MRRF: variants seen among roughly 807,000 people sequenced by gnomAD.
The protein encoded by MRRF is mitochondrial ribosome recycling factor, also known as ribosome-recycling factor, mitochondrial.
A neutral mutation model predicts 25.1 loss-of-function variants in MRRF; 18 were observed. The ratio of observed to expected loss-of-function variants is 0.72; its 90% CI spans 0.50 to 1.06. The LOEUF (loss-of-function observed/expected upper bound fraction) is 1.06, where lower values mean the gene tolerates loss of function less well. Ranked by LOEUF, MRRF falls within the 50% of genes least tolerant of loss-of-function variation. The probability of loss-of-function intolerance (pLI) is 0.00; values close to 1 mark genes in which losing one functional copy is unlikely to be tolerated. For missense variants in MRRF, 323 were observed against 319.3 expected (o/e 1.01, Z -0.09); for synonymous variants, 113 against 112.1 (o/e 1.01, Z -0.05).
rs1832762396 is a variant in MRRF, at chr9:122,276,220, G to GTT, written c.185-4220_185-4219dup. On this transcript the variant is annotated intron_variant, in intron 2 of 6. Coordinates refer to ENST00000344641, the MANE Select transcript of MRRF (RefSeq NM_138777.5). Reference sequence around the variant, plus strand: ...TGAGTCACCACGCCCAGCCTGTTTTGTTTTGTTTTGTTTTTAAAGTATTAA... The same window carrying GTT: ...TGAGTCACCACGCCCAGCCTGTTTTGTTTTTTGTTTTGTTTTTAAAGTATTAA... 2.0e-5 allele frequency among the ~76,000 whole-genome samples: 3 copies of GTT among 152,108 alleles called. 1 individual carries two copies. In the South Asian group the frequency reaches 6.2e-4, roughly 31 times the overall value.
intron 6 of MRRF, 28 bp from the exon 7 acceptor site, chr9:122,322,512 C>G: frequency 6.2e-7 from 1 of 1,603,116 alleles, no homozygotes; most frequent in Non-Finnish European, 8.5e-7. Context: ...CCCCATTAAT[C>G]AGGCTGTCTC....
chr9:122,297,140 C>G lies in MRRF; in HGVS notation c.551+5300C>G, dbSNP rs537387257. Reference sequence around the variant, plus strand: ...CCAGCCTGACCAACATGATGAAACCCCATCTCTACTAAAAATACAAAAATT... The same window carrying G: ...CCAGCCTGACCAACATGATGAAACCGCATCTCTACTAAAAATACAAAAATT... On this transcript the variant is annotated intron_variant, in intron 5 of 6. Transcript: ENST00000344641. Among the ~76,000 whole-genome samples the G allele has an allele frequency of 1.4e-3, 211 of 152,228 alleles. 2 individuals are homozygous for G. The highest frequency in any genetic ancestry group is 5.0e-3 in the African/African-American group (207 of 41,532).
At chr9:122,309,705 C>A (rs1835089429) in intron 5 of MRRF, among the ~76,000 whole-genome samples, 1 of 152,156 alleles carries the variant, frequency 6.6e-6, no homozygotes, top group Admixed American at 6.5e-5. Context: ...AAATGGTAAA[C>A]TCCTGTGTAT....
chr9:122,267,212 C>G (rs1832168643), intron 1 of MRRF, among the ~76,000 whole-genome samples: 1 of 151,978 alleles, frequency 6.6e-6, no homozygotes, highest in African/African-American at 2.4e-5. Context: ...AACCCCATCT[C>G]TACTTAAAAT....
At chr9:122,279,756 T>A (rs929242013) in intron 2 of MRRF, among the ~76,000 whole-genome samples, 6 of 152,366 alleles carry the variant, frequency 3.9e-5, no homozygotes, top group Middle Eastern at 3.4e-3. Context: ...TAGTGTTTAA[T>A]GTCTGTAAAC....
At position 122,313,328 on chromosome 9, in the gene MRRF, A is replaced by C. The variant is rs1436098800; in HGVS notation, c.653A>C (p.Lys218Thr). ...AAGGTTCGCACCAACTCAATGAACA[A>C]GCTGAAGAAATCCAAGGATACAGTC... ...LRKVRTNSMN[K>T]LKKSKDTVSE... The change falls in exon 6 of 7, where the codon AAG becomes ACG. Residue 218 changes from lysine to threonine, a missense_variant. Coordinates refer to ENST00000344641, the MANE Select transcript of MRRF (RefSeq NM_138777.5). The C allele has an allele frequency of 6.2e-7, 1 of 1,614,048 alleles. No individual in the cohort carries two copies. Among genetic ancestry groups the C allele is most frequent in the Admixed American group, 1.7e-5 (1 of 60,008 alleles).
chr9:122,276,469 A>G (rs913990153), intron 2 of MRRF, among the ~76,000 whole-genome samples: 5 of 152,142 alleles, frequency 3.3e-5, no homozygotes, highest in Admixed American at 6.5e-5. Flanking sequence ...AGTTTTTGAC[A>G]TTGAATATTT....
intron 5 of MRRF, among the ~76,000 whole-genome samples, chr9:122,298,183 T>G (rs1304330687): frequency 5.3e-5 from 8 of 152,154 alleles, no homozygotes; most frequent in African/African-American, 1.9e-4. Flanking sequence ...ACTTTCTGTT[T>G]TTGTTTTGTG....
intron 5 of MRRF, among the ~76,000 whole-genome samples, chr9:122,298,512 C>G (rs969753157): frequency 4.6e-5 from 7 of 152,182 alleles, no homozygotes; most frequent in African/African-American, 1.7e-4. Context: ...TCAGTCACCC[C>G]AAAAAGTTAT....
At chr9:122,280,823 G>A (rs77964201) in intron 3 of MRRF, among the ~76,000 whole-genome samples, 3,941 of 152,198 alleles carry the variant, frequency 0.026, 152 homozygotes, top group African/African-American at 0.085. Flanking sequence ...AGTGCCTGGC[G>A]CATAGTTAAC....
intron 4 of MRRF, 30 bp downstream of exon 4, chr9:122,285,317 G>A (rs1178714040): frequency 7.4e-6 from 10 of 1,349,772 alleles, no homozygotes; most frequent in East Asian, 4.6e-5. Flanking sequence ...ATCTCTCTCC[G>A]TGGTCTCTTT....
At chr9:122,310,586 A>G (rs1282036168) in intron 5 of MRRF, among the ~76,000 whole-genome samples, 3 of 152,242 alleles carry the variant, frequency 2.0e-5, no homozygotes, top group Non-Finnish European at 2.9e-5. Flanking sequence ...GATACTAGCA[A>G]CAGTCATCCT....
At chr9:122,302,515 C>T (rs1834537754) in intron 5 of MRRF, among the ~76,000 whole-genome samples, 2 of 152,326 alleles carry the variant, frequency 1.3e-5, no homozygotes, top group Non-Finnish European at 2.9e-5. Flanking sequence ...GGTTCTTTCA[C>T]GTTGTAGCAC....
At chr9:122,314,376 T>C (rs1588083030) in intron 6 of MRRF, among the ~76,000 whole-genome samples, 1 of 152,218 alleles carries the variant, frequency 6.6e-6, no homozygotes, top group East Asian at 1.9e-4. Flanking sequence ...AAACACCTGC[T>C]CTTGTCACAT....
chr9:122,289,240 A>C (rs1324319967), intron 4 of MRRF, among the ~76,000 whole-genome samples: 1 of 152,252 alleles, frequency 6.6e-6, no homozygotes, highest in Non-Finnish European at 1.5e-5. Flanking sequence ...TTTATACATG[A>C]GGTAAAGGAA....
intron 5 of MRRF, among the ~76,000 whole-genome samples, chr9:122,306,244 G>A (rs1834837264): frequency 6.6e-6 from 1 of 152,160 alleles, no homozygotes; most frequent in Admixed American, 6.5e-5. Context: ...TCATAACACT[G>A]TGGAAAAATC....
Position 122,297,754 on chromosome 9 carries a change from G to A in MRRF, c.551+5914G>A, listed in dbSNP as rs1834181327. On this transcript the variant is annotated intron_variant, in intron 5 of 6. Transcript: ENST00000344641. ...TGCTGTGGCTCTTGCCCTTGATTGA[G>A]TGCTTGTTTGCAACATCACTGCATA... 2.0e-5 allele frequency among the ~76,000 whole-genome samples: 3 copies of A among 152,168 alleles called. 1 individual carries two copies. In the South Asian group the frequency reaches 6.2e-4, roughly 32 times the overall value.
At chr9:122,322,485 C>T (rs1835947049) in intron 6 of MRRF, 55 bp from the exon 7 acceptor site, 1 of 1,475,338 alleles carries the variant, frequency 6.8e-7, no homozygotes, top group African/African-American at 1.4e-5. Flanking sequence ...AATATTCATC[C>T]CCCTACCCTT....
At chr9:122,311,674 GT>G (rs755291573) in intron 5 of MRRF, among the ~76,000 whole-genome samples, 8 of 152,070 alleles carry the variant, frequency 5.3e-5, no homozygotes, top group Non-Finnish European at 1.2e-4. Context: ...GAAAAGAAAA[GT>G]TGATCAGATA....
Sources: allele counts gnomAD v4.1 joint callset (sites outside exome capture counted in the v4.1 genomes callset), GRCh38; gene constraint gnomAD v4.1.1; transcripts MANE v1.5; gene names NCBI Gene and HGNC (gene_info 2026-07-23, HGNC 2026-07-21).